ZNF148: variants seen among roughly 807,000 people sequenced by gnomAD.
The protein encoded by ZNF148 is Beta-Enolase Repressor Factor-1.
In ZNF148, 7 loss-of-function variants were observed where a neutral mutation model predicts 67.7. That is an observed-to-expected ratio of 0.10 (90% CI 0.06 to 0.19). The LOEUF is 0.19. Among genes scored for constraint, ZNF148 ranks in the 10% least tolerant of loss-of-function variants. ZNF148 has a pLI of 1.00. For synonymous variants in ZNF148, 333 were observed against 330.7 expected (o/e 1.01, Z -0.08); for missense variants, 583 against 947.1 (o/e 0.62, Z 5.05).
intron 2 of ZNF148, 55 bp from the exon 3 acceptor site, chr3:125,323,499 A>C: frequency 3.1e-5 from 19 of 612,288 alleles, no homozygotes; most frequent in Middle Eastern, 5.1e-4. Context: ...AAGATACTAT[A>C]CAAATATAAT....
chr3:125,315,208 T>C (rs1579782303), intron 3 of ZNF148, among the ~76,000 whole-genome samples: 2 of 152,352 alleles, frequency 1.3e-5, no homozygotes, highest in Non-Finnish European at 2.9e-5. Context: ...TTCATTATTC[T>C]GTCCATTTAT....
At chr3:125,371,654 G>A (rs1159343870) in intron 1 of ZNF148, among the ~76,000 whole-genome samples, 6 of 129,798 alleles carry the variant, frequency 4.6e-5, no homozygotes, top group Non-Finnish European at 8.0e-5. Context: ...GCTAGACTCC[G>A]TCCCAAAAAA....
intron 1 of ZNF148, among the ~76,000 whole-genome samples, chr3:125,358,227 C>T (rs1034988263): frequency 1.3e-5 from 2 of 152,220 alleles, no homozygotes; most frequent in East Asian, 1.9e-4. Context: ...ACAGGAGAAT[C>T]GCTTGAACCC....
At chr3:125,308,295 T>G (rs1012800942) in intron 4 of ZNF148, among the ~76,000 whole-genome samples, 2 of 152,176 alleles carry the variant, frequency 1.3e-5, no homozygotes, top group Admixed American at 6.5e-5. Context: ...ATACCATTTA[T>G]GATAGCATCC....
At chr3:125,278,433 C>G (rs1938190473) in intron 6 of ZNF148, among the ~76,000 whole-genome samples, 1 of 152,144 alleles carries the variant, frequency 6.6e-6, no homozygotes. Flanking sequence ...GTAGTCTACT[C>G]TAAGTCAAAT....
At chr3:125,284,485 A>G (rs1267287690) in intron 5 of ZNF148, among the ~76,000 whole-genome samples, 1 of 152,188 alleles carries the variant, frequency 6.6e-6, no homozygotes, top group Non-Finnish European at 1.5e-5. Context: ...TAACACTTAA[A>G]GTCTAGCAGT....
At chr3:125,344,546 C>G (rs1941864503) in intron 1 of ZNF148, 1 of 1,068,638 alleles carries the variant, frequency 9.4e-7, no homozygotes, top group Admixed American at 1.7e-5. Context: ...AATGGACTGT[C>G]AAAATGACTT....
intron 7 of ZNF148, among the ~76,000 whole-genome samples, chr3:125,257,621 G>A (rs150889726): frequency 2.2e-4 from 32 of 147,246 alleles, no homozygotes; most frequent in East Asian, 4.0e-4. Context: ...AGGGGATTAC[G>A]CCATTTTCAG....
intron 7 of ZNF148, among the ~76,000 whole-genome samples, chr3:125,253,214 C>G (rs1036725001): frequency 1.3e-5 from 2 of 152,108 alleles, no homozygotes; most frequent in Admixed American, 1.3e-4. Flanking sequence ...CACATCAGGT[C>G]AGATTTATTC....
At chr3:125,276,365 A>G (rs1938064242) in intron 7 of ZNF148, among the ~76,000 whole-genome samples, 1 of 152,188 alleles carries the variant, frequency 6.6e-6, no homozygotes, top group African/African-American at 2.4e-5. Context: ...TGATTGTTAA[A>G]AAGTAGAACA....
intron 1 of ZNF148, among the ~76,000 whole-genome samples, chr3:125,366,829 T>C (rs1942718475): frequency 1.3e-5 from 2 of 152,090 alleles, no homozygotes; most frequent in South Asian, 4.1e-4. Context: ...CAAAATCCTA[T>C]CAATCCAAAA....
intron 1 of ZNF148, among the ~76,000 whole-genome samples, chr3:125,370,185 A>C (rs1942834229): frequency 6.6e-6 from 1 of 152,186 alleles, no homozygotes; most frequent in Non-Finnish European, 1.5e-5. Flanking sequence ...AATTTAGAAG[A>C]GACCCCTTGG....
intron 7 of ZNF148, among the ~76,000 whole-genome samples, chr3:125,275,105 G>T (rs553862543): frequency 7.2e-5 from 11 of 152,076 alleles, no homozygotes; most frequent in Non-Finnish European, 1.2e-4. Context: ...TCTTTAAAAA[G>T]AATCTATAAA....
At chr3:125,367,882 A>AG (rs1353659267) in intron 1 of ZNF148, among the ~76,000 whole-genome samples, 1 of 152,188 alleles carries the variant, frequency 6.6e-6, no homozygotes, top group Non-Finnish European at 1.5e-5. Context: ...TAGTTGTTTC[A>AG]GGGGGCTCAA....
chr3:125,308,908 A>C (rs539316135), intron 4 of ZNF148, among the ~76,000 whole-genome samples: 14 of 152,356 alleles, frequency 9.2e-5, no homozygotes, highest in African/African-American at 3.1e-4. Flanking sequence ...ACTAAACATT[A>C]ATCAATAGGG....
intron 5 of ZNF148, among the ~76,000 whole-genome samples, chr3:125,280,783 C>A (rs1455051): frequency 1.5e-4 from 21 of 135,954 alleles, no homozygotes; most frequent in Admixed American, 3.0e-4. Flanking sequence ...AAAGGCACAA[C>A]ATTATGCTGA....
chr3:125,305,807 A>T (rs2107658425), intron 4 of ZNF148, among the ~76,000 whole-genome samples: 1 of 151,344 alleles, frequency 6.6e-6, no homozygotes, highest in South Asian at 2.1e-4. Context: ...AAAAAAAAAG[A>T]AAAAAAGAAA....
rs188072409 is a variant in ZNF148 at position 125,344,269 on chromosome 3, G to C, written c.-233-13031C>G. 555 of 398,068 alleles carry C rather than the reference G, an allele frequency of 1.4e-3. 3 individuals are homozygous for C. Among genetic ancestry groups the C allele is most frequent in the Middle Eastern group, 0.01 (13 of 1,280 alleles). 24.7% of individuals were successfully genotyped at this position (398,068 alleles called of 1,614,324 possible). A position where few individuals can be genotyped will look rare whatever the true frequency, so the allele number is the denominator to read the frequency against. Reference sequence around the variant, plus strand: ...AGTGCCCATCCCACTACCACCAAACGACACGAAAGAGAATGAAGTGAAGCC... The same window carrying C: ...AGTGCCCATCCCACTACCACCAAACCACACGAAAGAGAATGAAGTGAAGCC... On this transcript the variant is annotated intron_variant, in intron 1 of 8. Coordinates refer to ENST00000360647, the MANE Select transcript of ZNF148 (RefSeq NM_021964.3).
intron 7 of ZNF148, among the ~76,000 whole-genome samples, chr3:125,272,752 A>T (rs1937824546): frequency 6.6e-6 from 1 of 152,210 alleles, no homozygotes; most frequent in African/African-American, 2.4e-5. Flanking sequence ...TTTTATGTAT[A>T]ACCAATCTTT....
Sources: allele counts gnomAD v4.1 joint callset (sites outside exome capture counted in the v4.1 genomes callset), GRCh38; gene constraint gnomAD v4.1.1; transcripts MANE v1.5; gene names NCBI Gene and HGNC (gene_info 2026-07-23, HGNC 2026-07-21).